The following CEP162 variants were observed in gnomAD, a reference collection of about 807,000 sequenced individuals.
The protein encoded by CEP162 is centrosomal protein 162.
A neutral mutation model predicts 169.2 loss-of-function variants in CEP162; 141 were observed. The ratio of observed to expected loss-of-function variants is 0.83; its 90% CI spans 0.73 to 0.96. CEP162 has a LOEUF of 0.96. Ranked by LOEUF, CEP162 falls within the 40% of genes least tolerant of loss-of-function variation. CEP162 has a pLI of 0.00. For synonymous variants in CEP162, 540 were observed against 526.4 expected (o/e 1.03, Z -0.35); for missense variants, 1,600 against 1,587.2 (o/e 1.01, Z -0.14).
chr6:84,196,039 G>C (rs1398055733), intron 9 of CEP162, among the ~76,000 whole-genome samples: 1 of 152,086 alleles, frequency 6.6e-6, no homozygotes, highest in East Asian at 1.9e-4. Flanking sequence ...AGTCAAAATA[G>C]AAACCTTGAT....
intron 5 of CEP162, 86 bp from the exon 6 acceptor site, chr6:84,213,110 C>T (rs1168949109): frequency 2.5e-6 from 2 of 812,316 alleles, no homozygotes; most frequent in African/African-American, 1.7e-5. Context: ...TTAAAAAATC[C>T]CTAAAATTAT....
At chr6:84,172,899 C>T (rs892664695) in intron 16 of CEP162, among the ~76,000 whole-genome samples, 43 of 152,056 alleles carry the variant, frequency 2.8e-4, no homozygotes, top group Admixed American at 5.2e-4. Context: ...AAGATAAAGT[C>T]TTATGTTGAT....
At chr6:84,157,656 GACA>G (rs1355898694) in intron 21 of CEP162, among the ~76,000 whole-genome samples, 1 of 151,852 alleles carries the variant, frequency 6.6e-6, no homozygotes, top group East Asian at 1.9e-4. Flanking sequence ...GACAGGGTGA[GACA>G]ACGTCTCAAA....
At chr6:84,136,911 G>A (rs373401021) in intron 25 of CEP162, among the ~76,000 whole-genome samples, 3 of 152,158 alleles carry the variant, frequency 2.0e-5, no homozygotes, top group East Asian at 3.9e-4. Context: ...CACACACCAG[G>A]CACCTAGGCT....
intron 10 of CEP162, 124 bp from the exon 11 acceptor site, chr6:84,193,814 T>C (rs1273899003): frequency 5.9e-6 from 3 of 507,926 alleles, no homozygotes; most frequent in African/African-American, 5.8e-5. Context: ...GCAATAAACC[T>C]AGTTTTCCGT....
At chr6:84,191,630 C>A (rs1025181687) in intron 11 of CEP162, among the ~76,000 whole-genome samples, 3 of 152,148 alleles carry the variant, frequency 2.0e-5, no homozygotes, top group Admixed American at 6.5e-5. Flanking sequence ...CAACGAGAAG[C>A]ATACTCAAAC....
chr6:84,188,517 A>T (rs2099538246), intron 11 of CEP162, among the ~76,000 whole-genome samples: 1 of 152,196 alleles, frequency 6.6e-6, no homozygotes, highest in Admixed American at 6.5e-5. Context: ...TTTGCTTAGG[A>T]CAATGGCCTC....
At chr6:84,211,526 C>CAA (rs960472453) in intron 6 of CEP162, among the ~76,000 whole-genome samples, 3,001 of 30,990 alleles carry the variant, frequency 0.097, 209 homozygotes, top group African/African-American at 0.18. Flanking sequence ...GATTCTATCT[C>CAA]AAAAAAAAAA....
intron 6 of CEP162, among the ~76,000 whole-genome samples, chr6:84,212,102 G>A (rs1462338836): frequency 2.0e-5 from 3 of 152,032 alleles, no homozygotes; most frequent in Non-Finnish European, 4.4e-5. Context: ...CAAAGGCAGA[G>A]TATATTTTCA....
intron 11 of CEP162, among the ~76,000 whole-genome samples, chr6:84,189,555 G>A (rs530153444): frequency 1.4e-4 from 21 of 152,294 alleles, no homozygotes; most frequent in Non-Finnish European, 2.5e-4. Context: ...CAGCAGTGCT[G>A]GCCCACCGGC....
At chr6:84,193,521 A>T in intron 11 of CEP162, 88 bp downstream of exon 11, 1 of 702,908 alleles carries the variant, frequency 1.4e-6, no homozygotes, top group Non-Finnish European at 2.4e-6. Flanking sequence ...AGCTAGTATT[A>T]GTCATTAATC....
At chr6:84,197,639 C>A (rs1399323171) in intron 9 of CEP162, among the ~76,000 whole-genome samples, 2 of 151,846 alleles carry the variant, frequency 1.3e-5, no homozygotes, top group Non-Finnish European at 2.9e-5. Context: ...ATGGTGAAAC[C>A]TCGTCTCCAC....
In CEP162 at chr6:84,213,903, G is replaced by C. The variant is rs2099550541; in HGVS notation, c.504-879C>G. The stretch of plus-strand genomic sequence containing the variant: ...CTTGCTGAATATGCCAAGAGTACAA[G>C]ATGCTGATCATTTTTCACCATGCCA... On this transcript the variant is annotated intron_variant, in intron 5 of 26. Transcript: ENST00000403245. Among the ~76,000 whole-genome samples the C allele has an allele frequency of 2.0e-5, 3 of 152,200 alleles. No individual in the cohort carries two copies. In the South Asian group the frequency reaches 6.2e-4, roughly 31 times the overall value.
chr6:84,149,587 A>C lies in CEP162; in HGVS notation c.3746T>G (p.Leu1249Arg). 6.3e-7 allele frequency: 1 copy of C among 1,599,634 alleles called. No homozygotes were observed. The highest frequency in any genetic ancestry group is 8.5e-7 in the Non-Finnish European group (1 of 1,173,254). ...CTCTTGAGTTGCTATTTTACGATTT[A>C]GTTCAGCTACTTTGGAAGAAGAATT... is the stretch of plus-strand genomic sequence containing the variant. ...VENSSSKVAE[L>R]NRKIATQEVL... The change falls in exon 24 of 27, where the codon CTA becomes CGA. Residue 1249 changes from leucine to arginine, a missense_variant. Physicochemically the swap from Leu to Arg is moderately radical, Grantham distance 102 (BLOSUM62 -2). Transcript: ENST00000403245.
At chr6:84,139,993 C>T in intron 25 of CEP162, among the ~76,000 whole-genome samples, 1 of 150,220 alleles carries the variant, frequency 6.7e-6, no homozygotes, top group Non-Finnish European at 1.5e-5. Flanking sequence ...TGCTGTGGGT[C>T]CCCAGTAAGA....
At chr6:84,144,114 A>G (rs1457336148) in intron 25 of CEP162, among the ~76,000 whole-genome samples, 1 of 151,962 alleles carries the variant, frequency 6.6e-6, no homozygotes, top group Non-Finnish European at 1.5e-5. Context: ...TTGACCTCAA[A>G]CTAGCTTTGG....
At chr6:84,209,920 G>A (rs1296458627) in intron 6 of CEP162, among the ~76,000 whole-genome samples, 1 of 152,166 alleles carries the variant, frequency 6.6e-6, no homozygotes, top group Non-Finnish European at 1.5e-5. Flanking sequence ...AGTAGACACA[G>A]AGACAAATGA....
rs563507058 is a variant in CEP162, at chr6:84,190,224, G to A, written c.1109+3385C>T. On this transcript the variant is annotated intron_variant, in intron 11 of 26. Coordinates refer to ENST00000403245, the MANE Select transcript of CEP162 (RefSeq NM_014895.4). ...TGGGGCCTTGGAGAACCTGTGTGTT[G>A]AAACTCTGTATCTAACTAATCTGAT... 1.2e-4 allele frequency among the ~76,000 whole-genome samples: 19 copies of A among 152,252 alleles called. No homozygotes were observed. In the South Asian group the frequency reaches 3.9e-3, roughly 32 times the overall value.
chr6:84,136,767 CTG>C (rs1367419474), intron 25 of CEP162, among the ~76,000 whole-genome samples: 2 of 152,128 alleles, frequency 1.3e-5, no homozygotes, highest in African/African-American at 4.8e-5. Flanking sequence ...GCTGTAAAAA[CTG>C]AGGCTGAGAG....
Sources: gnomAD v4.1 joint callset for allele counts (sites outside exome capture counted in the v4.1 genomes callset) on GRCh38, gnomAD v4.1.1 for gene constraint, MANE v1.5 for transcripts, NCBI Gene and HGNC (gene_info 2026-07-23, HGNC 2026-07-21) for gene names.